The following DPYD variants were observed in gnomAD, a reference collection of about 807,000 sequenced individuals.
DPYD encodes dihydropyrimidine dehydrogenase.
Under a neutral mutation model 116.2 loss-of-function variants are expected in DPYD, and 109 were observed. The observed-to-expected ratio is 0.94, with a 90% CI of 0.80 to 1.10. The LOEUF (loss-of-function observed/expected upper bound fraction) is 1.10, where lower values mean the gene tolerates loss of function less well. DPYD is among the 50% of genes least tolerant of loss of function. The pLI, the probability that DPYD is intolerant of heterozygous loss-of-function variation, is 0.00. For missense variants in DPYD, 1,302 were observed against 1,254.5 expected (o/e 1.04, Z -0.57); for synonymous variants, 440 against 432.0 (o/e 1.02, Z -0.23).
intron 1 of DPYD, among the ~76,000 whole-genome samples, chr1:97,909,326 G>A (rs541752585): frequency 2.3e-4 from 35 of 152,028 alleles, no homozygotes; most frequent in African/African-American, 7.5e-4. Flanking sequence ...CTCACCAAAA[G>A]AATCCCTTTA....
intron 13 of DPYD, among the ~76,000 whole-genome samples, chr1:97,478,882 T>A (rs551930983): frequency 1.3e-5 from 2 of 152,340 alleles, no homozygotes; most frequent in East Asian, 3.9e-4. Flanking sequence ...TGCTTCGCCT[T>A]GTAATTTTAT....
intron 16 of DPYD, among the ~76,000 whole-genome samples, chr1:97,339,039 T>A (rs1485141112): frequency 6.6e-6 from 1 of 151,928 alleles, no homozygotes; most frequent in Non-Finnish European, 1.5e-5. Context: ...CAATAATGAT[T>A]TTCACAGTTC....
At chr1:97,724,909 TAGAG>T (rs997605335) in intron 4 of DPYD, among the ~76,000 whole-genome samples, 1 of 105,340 alleles carries the variant, frequency 9.5e-6, no homozygotes, top group African/African-American at 3.8e-5. Flanking sequence ...GGGATAGAGA[TAGAG>T]AAGAAGAGAG....
rs373978511 is a variant in DPYD, at chr1:97,899,712, T to C, written c.40-16338A>G. 5.3e-5 allele frequency among the ~76,000 whole-genome samples: 8 copies of C among 151,878 alleles called. No individual in the cohort carries two copies. In the East Asian group the frequency reaches 1.2e-3, roughly 22 times the overall value. ...TACAGAAAAATTTTCAAAATGGCAA[T>C]ACGTAATTTCTTTACTCACTTTTAT... On this transcript the variant is annotated intron_variant, in intron 1 of 22. Coordinates refer to ENST00000370192, the MANE Select transcript of DPYD (RefSeq NM_000110.4).
rs548622329 is a variant in DPYD, at chr1:97,865,914, C to T, written c.150+17350G>A. On this transcript the variant is annotated intron_variant, in intron 2 of 22. Coordinates refer to ENST00000370192, the MANE Select transcript of DPYD (RefSeq NM_000110.4). Reference sequence around the variant, plus strand: ...TTCTATTTTTTCATTATTCATTGAACTATTGAGCTATAAGTGGTTATATAC... The same window carrying T: ...TTCTATTTTTTCATTATTCATTGAATTATTGAGCTATAAGTGGTTATATAC... 2.6e-5 allele frequency among the ~76,000 whole-genome samples: 4 copies of T among 151,998 alleles called. No individual in the cohort carries two copies. In the East Asian group the frequency reaches 7.8e-4, roughly 29 times the overall value.
chr1:97,788,538 C>T (rs1667158124), intron 3 of DPYD, among the ~76,000 whole-genome samples: 1 of 152,210 alleles, frequency 6.6e-6, no homozygotes, highest in African/African-American at 2.4e-5. Context: ...GAACTACCCA[C>T]TGAGTCCAGC....
chr1:97,814,460 A>C lies in DPYD; in HGVS notation c.233+13654T>G, dbSNP rs555008859. The stretch of plus-strand genomic sequence containing the variant: ...GTAAAAAGGGAAATTAGTAGTTCAG[A>C]TGAGAGGTAAGGAGGGTAGCAGGGG... On this transcript the variant is annotated intron_variant, in intron 3 of 22. Coordinates refer to ENST00000370192, the MANE Select transcript of DPYD (RefSeq NM_000110.4). 2.7e-3 allele frequency among the ~76,000 whole-genome samples: 418 copies of C among 152,308 alleles called. 2 individuals are homozygous for C. Among genetic ancestry groups the C allele is most frequent in the African/African-American group, 9.0e-3 (372 of 41,562 alleles).
chr1:97,305,236 T>C (rs1667086018), intron 18 of DPYD, 23 bp downstream of exon 18: 3 of 1,611,786 alleles, frequency 1.9e-6, no homozygotes, highest in African/African-American at 1.3e-5. Context: ...GAAAGCACAA[T>C]GCAAGAAGTG....
chr1:97,554,623 T>G (rs1051865217), intron 11 of DPYD, among the ~76,000 whole-genome samples: 1 of 152,024 alleles, frequency 6.6e-6, no homozygotes, highest in African/African-American at 2.4e-5. Context: ...TCAAAATAAA[T>G]TCTAATTACA....
intron 20 of DPYD, among the ~76,000 whole-genome samples, chr1:97,114,409 G>GA (rs749829690): frequency 2.0e-5 from 3 of 152,104 alleles, no homozygotes; most frequent in Non-Finnish European, 4.4e-5. Context: ...AATTCAAGGA[G>GA]AAAATAGCAT....
At chr1:97,084,954 C>T (rs1440861567) in intron 21 of DPYD, among the ~76,000 whole-genome samples, 1 of 152,036 alleles carries the variant, frequency 6.6e-6, no homozygotes, top group African/African-American at 2.4e-5. Flanking sequence ...ATACACTAAA[C>T]CTATAATATG....
At chr1:97,189,851 C>T (rs961647792) in intron 20 of DPYD, among the ~76,000 whole-genome samples, 8 of 152,122 alleles carry the variant, frequency 5.3e-5, no homozygotes, top group Admixed American at 2.0e-4. Flanking sequence ...GAATCAAACA[C>T]GTTAATCTGA....
At chr1:97,809,044 G>A (rs1473095924) in intron 3 of DPYD, among the ~76,000 whole-genome samples, 1 of 152,126 alleles carries the variant, frequency 6.6e-6, no homozygotes, top group Non-Finnish European at 1.5e-5. Context: ...AAGTCATGGA[G>A]GCAGTAGAGG....
chr1:97,308,160 C>T lies in DPYD; in HGVS notation c.2059-1863G>A, dbSNP rs1189570849. On this transcript the variant is annotated intron_variant, in intron 16 of 22. Transcript: ENST00000370192. The stretch of plus-strand genomic sequence containing the variant: ...TGTCAGACATTTTTCCTGATTTTCA[C>T]TAGGTGACTGCTTTAAATGACTGCC... 3.3e-5 allele frequency among the ~76,000 whole-genome samples: 5 copies of T among 151,908 alleles called. No homozygotes were observed. In the East Asian group the frequency reaches 5.8e-4, roughly 18 times the overall value.
intron 12 of DPYD, among the ~76,000 whole-genome samples, chr1:97,540,548 C>T (rs144215160): frequency 2.2e-3 from 339 of 152,192 alleles, no homozygotes; most frequent in African/African-American, 7.4e-3. Context: ...TCTTGGCACA[C>T]GGAAGCGTTC....
intron 8 of DPYD, among the ~76,000 whole-genome samples, chr1:97,677,598 C>G (rs146558524): frequency 1.2e-3 from 179 of 152,142 alleles, no homozygotes; most frequent in African/African-American, 4.1e-3. Context: ...CAGATCTTGC[C>G]TCCTTCCTAC....
intron 12 of DPYD, among the ~76,000 whole-genome samples, chr1:97,529,665 CTT>C (rs1055215789): frequency 6.7e-6 from 1 of 149,762 alleles, no homozygotes; most frequent in South Asian, 2.1e-4. Context: ...TCCTTTTTTT[CTT>C]TTCTCTTTCT....
intron 1 of DPYD, among the ~76,000 whole-genome samples, chr1:97,919,074 T>A (rs1674369991): frequency 6.6e-6 from 1 of 152,234 alleles, no homozygotes; most frequent in Non-Finnish European, 1.5e-5. Context: ...CTTAATGTAT[T>A]TTTCCTCACT....
intron 8 of DPYD, among the ~76,000 whole-genome samples, chr1:97,600,083 C>T (rs1183156652): frequency 6.6e-6 from 1 of 151,576 alleles, no homozygotes; most frequent in Non-Finnish European, 1.5e-5. Context: ...ATGGACAATG[C>T]TCTAGTATAC....
Sources: gnomAD v4.1 joint callset for allele counts (sites outside exome capture counted in the v4.1 genomes callset) on GRCh38, gnomAD v4.1.1 for gene constraint, MANE v1.5 for transcripts, NCBI Gene and HGNC (gene_info 2026-07-23, HGNC 2026-07-21) for gene names.